The following FMN2 variants were observed in gnomAD, a reference collection of about 807,000 sequenced individuals.
FMN2 encodes the protein formin 2.
In FMN2, 51 loss-of-function variants were observed where a neutral mutation model predicts 142.3. The ratio of observed to expected loss-of-function variants is 0.36; its 90% CI spans 0.29 to 0.45. FMN2 has a LOEUF of 0.45. Among genes scored for constraint, FMN2 ranks in the 20% least tolerant of loss-of-function variants. The pLI is 1.00. For missense variants in FMN2, 1,936 were observed against 2,122.8 expected (o/e 0.91, Z 1.73); for synonymous variants, 882 against 869.8 (o/e 1.01, Z -0.25).
At chr1:240,243,867 A>T (rs1039388740) in intron 6 of FMN2, among the ~76,000 whole-genome samples, 1 of 152,158 alleles carries the variant, frequency 6.6e-6, no homozygotes. Context: ...CTTTCCTTCT[A>T]TTCTTACATC....
chr1:240,268,596 G>A (rs911718259), intron 7 of FMN2, among the ~76,000 whole-genome samples: 1 of 151,974 alleles, frequency 6.6e-6, no homozygotes, highest in Non-Finnish European at 1.5e-5. Flanking sequence ...ATATTGGTGT[G>A]GGCCATGAGT....
intron 14 of FMN2, among the ~76,000 whole-genome samples, chr1:240,390,724 A>C (rs1673578764): frequency 6.6e-6 from 1 of 152,208 alleles, no homozygotes; most frequent in African/African-American, 2.4e-5. Context: ...TTAACAGATG[A>C]ATCTGCCTAA....
At chr1:240,413,101 C>T (rs1330746189) in intron 15 of FMN2, among the ~76,000 whole-genome samples, 4 of 102,040 alleles carry the variant, frequency 3.9e-5, no homozygotes, top group East Asian at 3.4e-4. Flanking sequence ...CCAGCCTGGG[C>T]GACAAAGCGA....
chr1:240,246,241 G>A (rs1020807018), intron 6 of FMN2, among the ~76,000 whole-genome samples: 4 of 152,180 alleles, frequency 2.6e-5, no homozygotes, highest in Non-Finnish European at 2.9e-5. Flanking sequence ...TGAAGGCTGC[G>A]CTTTTATCGC....
intron 6 of FMN2, among the ~76,000 whole-genome samples, chr1:240,239,186 G>A (rs1176186430): frequency 3.9e-5 from 6 of 152,110 alleles, no homozygotes; most frequent in African/African-American, 7.2e-5. Flanking sequence ...ACAGCAAAAC[G>A]CTAATTTGAG....
chr1:240,223,219 C>T (rs1667183750), intron 6 of FMN2, among the ~76,000 whole-genome samples: 1 of 152,076 alleles, frequency 6.6e-6, no homozygotes, highest in South Asian at 2.1e-4. Context: ...TATTGAAGGC[C>T]TTTTCTGCAT....
intron 2 of FMN2, chr1:240,170,019 A>G (rs1453609640): frequency 3.6e-6 from 2 of 550,882 alleles, no homozygotes; most frequent in African/African-American, 1.9e-5. Flanking sequence ...ACTTAAACTC[A>G]GATTAATTCC....
intron 2 of FMN2, among the ~76,000 whole-genome samples, chr1:240,135,127 GT>G (rs1662886505): frequency 6.6e-6 from 1 of 152,174 alleles, no homozygotes; most frequent in African/African-American, 2.4e-5. Context: ...AGAATGAATC[GT>G]TTTGCTTTCC....
At position 240,170,522 on chromosome 1, in the gene FMN2, A is replaced by C. The variant is rs1664659654; in HGVS notation, c.1783-7399A>C. The C allele has an allele frequency of 3.9e-6, 6 of 1,530,138 alleles. No individual in the cohort carries two copies. The East Asian group carries it at 1.4e-4, about 34-fold the overall frequency. The allele number at this position is 1,530,138 out of a possible 1,614,324, so 94.8% of individuals were successfully genotyped here. On this transcript the variant is annotated intron_variant, in intron 2 of 17. Coordinates refer to ENST00000319653, the MANE Select transcript of FMN2 (RefSeq NM_020066.5). ...CCTTGCCAGAATATAAGAGTCACTC[A>C]AGGGAAAGGATTAGTGCCAGATGGT...
chr1:240,259,393 A>G (rs2102899887), intron 7 of FMN2, among the ~76,000 whole-genome samples: 1 of 152,224 alleles, frequency 6.6e-6, no homozygotes, highest in African/African-American at 2.4e-5. Context: ...CATGGCATGA[A>G]AGGCAGTAGT....
At chr1:240,358,919 A>C (rs1003878229) in intron 14 of FMN2, among the ~76,000 whole-genome samples, 5 of 152,106 alleles carry the variant, frequency 3.3e-5, no homozygotes, top group Non-Finnish European at 7.4e-5. Flanking sequence ...CGCAGGTCAC[A>C]TGAGGCCAGG....
At chr1:240,123,507 A>AC (rs202001516) in intron 2 of FMN2, among the ~76,000 whole-genome samples, 162 bp downstream of exon 2, 12,224 of 145,146 alleles carry the variant, frequency 0.084, 492 homozygotes, top group African/African-American at 0.11. Flanking sequence ...TTTGTACACA[A>AC]AAAAAAAAAA....
intron 2 of FMN2, among the ~76,000 whole-genome samples, chr1:240,139,989 C>T (rs142829096): frequency 6.6e-6 from 1 of 152,208 alleles, no homozygotes; most frequent in African/African-American, 2.4e-5. Context: ...GGATAGGATG[C>T]CTACAGGTAT....
At chr1:240,368,980 G>A in intron 14 of FMN2, among the ~76,000 whole-genome samples, 1 of 140,006 alleles carries the variant, frequency 7.1e-6, no homozygotes, top group East Asian at 2.0e-4. Context: ...TATAAACACA[G>A]AGTAAAATTA....
intron 2 of FMN2, among the ~76,000 whole-genome samples, chr1:240,130,830 A>G (rs1662705978): frequency 2.0e-5 from 3 of 150,208 alleles, no homozygotes; most frequent in Non-Finnish European, 4.4e-5. Flanking sequence ...GAATTCTTAA[A>G]TTCTTTCTCT....
chr1:240,304,063 A>G (rs1670295051), intron 8 of FMN2, among the ~76,000 whole-genome samples: 1 of 151,444 alleles, frequency 6.6e-6, no homozygotes, highest in African/African-American at 2.4e-5. Flanking sequence ...TAATATTGCC[A>G]TTTTGTCTGT....
Position 240,170,479 on chromosome 1 carries a change from T to C in FMN2, c.1783-7442T>C, listed in dbSNP as rs558572507. ...CACAGTGTGGAGAATGCAAATTTTG[T>C]CTAAATCCTAAAACTAACCTTGCCA... is the stretch of plus-strand genomic sequence containing the variant. On this transcript the variant is annotated intron_variant, in intron 2 of 17. Coordinates refer to ENST00000319653, the MANE Select transcript of FMN2 (RefSeq NM_020066.5). The C allele has an allele frequency of 5.6e-5, 81 of 1,444,914 alleles. No individual in the cohort carries two copies. In the South Asian group the frequency reaches 8.9e-4, roughly 16 times the overall value. 89.5% of individuals were successfully genotyped at this position (1,444,914 alleles called of 1,614,324 possible).
chr1:240,277,026 A>G, intron 7 of FMN2, among the ~76,000 whole-genome samples: 1 of 152,186 alleles, frequency 6.6e-6, no homozygotes, highest in East Asian at 1.9e-4. Context: ...TTGCCACTTA[A>G]TCCTTGATCC....
At chr1:240,388,818 C>T (rs1262988787) in intron 14 of FMN2, among the ~76,000 whole-genome samples, 4 of 147,660 alleles carry the variant, frequency 2.7e-5, no homozygotes, top group East Asian at 2.0e-4. Flanking sequence ...GCCGAGATCT[C>T]GCCATTGGAC....
Sources: gnomAD v4.1 joint callset for allele counts (sites outside exome capture counted in the v4.1 genomes callset) on GRCh38, gnomAD v4.1.1 for gene constraint, MANE v1.5 for transcripts, NCBI Gene and HGNC (gene_info 2026-07-23, HGNC 2026-07-21) for gene names.